ERBB4: variants seen among roughly 807,000 people sequenced by gnomAD.
ERBB4 encodes receptor tyrosine-protein kinase erbB-4.
In ERBB4, 42 loss-of-function variants were observed where a neutral mutation model predicts 158.0. The observed-to-expected ratio is 0.27, with a 90% CI of 0.21 to 0.34. The LOEUF (loss-of-function observed/expected upper bound fraction) is 0.34. Among genes scored for constraint, ERBB4 ranks in the 10% least tolerant of loss-of-function variants. ERBB4 has a pLI of 1.00. For synonymous variants in ERBB4, 583 were observed against 558.7 expected, an observed-to-expected ratio of 1.04 and a Z score of -0.61; for missense variants, 1,333 against 1,624.1, an observed-to-expected ratio of 0.82 and a Z score of 3.08.
chr2:212,221,093 C>G (rs2083275745), intron 1 of ERBB4, among the ~76,000 whole-genome samples: 1 of 151,386 alleles, frequency 6.6e-6, no homozygotes, highest in South Asian at 2.1e-4. Context: ...TACTCTGAAC[C>G]ATGGATCATG....
intron 1 of ERBB4, among the ~76,000 whole-genome samples, chr2:212,370,459 C>T (rs1473472780): frequency 2.0e-5 from 3 of 152,186 alleles, no homozygotes. Flanking sequence ...ATAACTGCCT[C>T]TGGTAGCTAG....
At position 211,642,575 on chromosome 2, in the gene ERBB4, A is replaced by C. The variant is rs76809121; in HGVS notation, c.1947-11981T>G. Among the ~76,000 whole-genome samples, 1,035 of 152,268 alleles carry C rather than the reference A, an allele frequency of 6.8e-3. 11 individuals carry two copies. Among genetic ancestry groups the C allele is most frequent in the African/African-American group, 0.023 (974 of 41,570 alleles). ...GATAAGCAAGCATATTCAGAGATTA[A>C]AGGTAAAATAAAAGAATTTCTATTT... On this transcript the variant is annotated intron_variant, in intron 16 of 27. Coordinates refer to ENST00000342788, the MANE Select transcript of ERBB4 (RefSeq NM_005235.3).
intron 1 of ERBB4, among the ~76,000 whole-genome samples, chr2:212,212,477 G>A (rs2082966368): frequency 6.6e-6 from 1 of 151,764 alleles, no homozygotes; most frequent in African/African-American, 2.4e-5. Context: ...TCATGAAAAT[G>A]GCCATACTGT....
chr2:212,225,717 G>A (rs779006670), intron 1 of ERBB4, among the ~76,000 whole-genome samples: 2 of 151,620 alleles, frequency 1.3e-5, no homozygotes, highest in Non-Finnish European at 2.9e-5. Flanking sequence ...TACATTCAAT[G>A]TTTTCCTATA....
intron 3 of ERBB4, among the ~76,000 whole-genome samples, chr2:211,930,606 C>A (rs1280997845): frequency 6.6e-6 from 1 of 152,028 alleles, no homozygotes; most frequent in Non-Finnish European, 1.5e-5. Flanking sequence ...GAGACCCAGC[C>A]GTGTTATAGC....
At position 211,858,234 on chromosome 2, in the gene ERBB4, G is replaced by A. The variant is rs114982503; in HGVS notation, c.422-70075C>T. Among the ~76,000 whole-genome samples, 1,281 of 152,248 alleles carry A rather than the reference G, an allele frequency of 8.4e-3. 16 individuals are homozygous for A. Among genetic ancestry groups the A allele is most frequent in the African/African-American group, 0.029 (1,213 of 41,540 alleles). On this transcript the variant is annotated intron_variant, in intron 3 of 27. Transcript: ENST00000342788. ...AAGAGATGGAGGTTTCAAAAGGCCTGCATAAAGATGACTTGGCTGATGCAC... is the reference window on the plus strand; with the variant it reads ...AAGAGATGGAGGTTTCAAAAGGCCTACATAAAGATGACTTGGCTGATGCAC...
At chr2:211,871,503 G>T in intron 3 of ERBB4, among the ~76,000 whole-genome samples, 2 of 149,776 alleles carry the variant, frequency 1.3e-5, no homozygotes. Context: ...CAGTGCTTTG[G>T]CATTAAAAAA....
intron 3 of ERBB4, among the ~76,000 whole-genome samples, chr2:211,930,681 G>C (rs998931172): frequency 2.0e-5 from 3 of 152,078 alleles, no homozygotes; most frequent in Non-Finnish European, 4.4e-5. Context: ...AAGTTTTCAA[G>C]CAAACAGTAA....
At chr2:212,402,825 CAATA>C (rs2091246762) in intron 1 of ERBB4, among the ~76,000 whole-genome samples, 2 of 151,904 alleles carry the variant, frequency 1.3e-5, no homozygotes, top group Admixed American at 6.6e-5. Context: ...ATAGTTTTAT[CAATA>C]AATATCATAC....
chr2:211,822,107 G>A (rs1322119155), intron 3 of ERBB4, among the ~76,000 whole-genome samples: 2 of 151,886 alleles, frequency 1.3e-5, no homozygotes, highest in Non-Finnish European at 2.9e-5. Context: ...TGATCTCTTA[G>A]AAGTAAAAAG....
chr2:212,140,604 C>T lies in ERBB4; in HGVS notation c.83-15701G>A, dbSNP rs533064861. Among the ~76,000 whole-genome samples, 3 of 149,786 alleles carry T rather than the reference C, an allele frequency of 2.0e-5. No individual in the cohort carries two copies. In the South Asian group the frequency reaches 6.3e-4, roughly 32 times the overall value. The stretch of plus-strand genomic sequence containing the variant: ...TTCTTTATAGAAATGTGTATGCTAA[C>T]CAAATTACTATCAATACTTTTGATA... On this transcript the variant is annotated intron_variant, in intron 1 of 27. Coordinates refer to ENST00000342788, the MANE Select transcript of ERBB4 (RefSeq NM_005235.3).
intron 1 of ERBB4, among the ~76,000 whole-genome samples, chr2:212,331,058 G>GTATATATATATA: frequency 0.043 from 2,397 of 55,678 alleles, 199 homozygotes; most frequent in African/African-American, 0.085. Flanking sequence ...TTTGTAATTT[G>GTATATATATATA]TATATATATA....
intron 25 of ERBB4, among the ~76,000 whole-genome samples, chr2:211,412,631 T>C (rs1034333452): frequency 7.2e-5 from 11 of 152,150 alleles, no homozygotes; most frequent in Non-Finnish European, 1.3e-4. Flanking sequence ...ACATTCAATA[T>C]ATTAATTCAT....
At chr2:211,659,391 T>C (rs772826366) in intron 15 of ERBB4, among the ~76,000 whole-genome samples, 1 of 152,028 alleles carries the variant, frequency 6.6e-6, no homozygotes, top group African/African-American at 2.4e-5. Flanking sequence ...ATAGTCAAAA[T>C]CATTTCTAAA....
intron 20 of ERBB4, among the ~76,000 whole-genome samples, chr2:211,509,695 T>C (rs956474426): frequency 5.9e-5 from 9 of 151,962 alleles, no homozygotes. Context: ...AAATTATGCC[T>C]CCAACAAAGG....
Position 212,424,995 on chromosome 2 carries a change from C to T in ERBB4, c.82+113454G>A, listed in dbSNP as rs113329205. On this transcript the variant is annotated intron_variant, in intron 1 of 27. Transcript: ENST00000342788. ...TGATACCTAATGTTATCCATGTATC[C>T]GTGAAGAAAAAGTACTGCACAGAAA... Among the ~76,000 whole-genome samples, 15 of 151,708 alleles carry T rather than the reference C, an allele frequency of 9.9e-5. No individual in the cohort carries two copies. In the South Asian group the frequency reaches 2.7e-3, roughly 27 times the overall value.
intron 9 of ERBB4, among the ~76,000 whole-genome samples, chr2:211,705,766 GAAC>G (rs1218584946): frequency 6.6e-6 from 1 of 152,152 alleles, no homozygotes; most frequent in East Asian, 1.9e-4. Context: ...ATTATAGTGA[GAAC>G]AACTGGCATT....
At position 211,702,166 on chromosome 2, in the gene ERBB4, A is replaced by G; in HGVS notation, c.1290T>C (p.Ser430=). Residue 430 remains serine (S), a splice_region_variant and synonymous_variant, in exon 12 of 28, where the codon AGT becomes AGC. Transcript: ENST00000342788. ...GCTTGAGGATAAGCAAGGACAGGCCACTAAGGAGGGGGAAGTGAGAAAACG... is the reference window on the plus strand; with the variant it reads ...GCTTGAGGATAAGCAAGGACAGGCCGCTAAGGAGGGGGAAGTGAGAAAACG... ...LVTIGGRVLY[S]GLSLLILKQQ... The G allele has an allele frequency of 6.2e-7, 1 of 1,613,612 alleles. No individual in the cohort carries two copies. The highest frequency in any genetic ancestry group is 8.5e-7 in the Non-Finnish European group (1 of 1,179,512).
At chr2:211,935,393 T>C (rs2080292957) in intron 3 of ERBB4, among the ~76,000 whole-genome samples, 1 of 152,174 alleles carries the variant, frequency 6.6e-6, no homozygotes, top group Admixed American at 6.5e-5. Context: ...CAGCCAATCT[T>C]CTGGGGACCA....
Sources: gnomAD v4.1 joint callset for allele counts (sites outside exome capture counted in the v4.1 genomes callset) on GRCh38, gnomAD v4.1.1 for gene constraint, MANE v1.5 for transcripts, NCBI Gene and HGNC (gene_info 2026-07-23, HGNC 2026-07-21) for gene names.